Variants in PRKD2 observed in about 807,000 individuals in gnomAD.
PRKD2 encodes serine/threonine-protein kinase D2.
Under a neutral mutation model 86.0 loss-of-function variants are expected in PRKD2, and 22 were observed. That is an observed-to-expected ratio of 0.26 (90% CI 0.18 to 0.37). The LOEUF is 0.37. Ranked by LOEUF, PRKD2 falls within the 10% of genes least tolerant of loss-of-function variation. The pLI is 1.00. For missense variants in PRKD2, 818 were observed against 1,199.2 expected (o/e 0.68, Z 4.70); for synonymous variants, 509 against 510.9 (o/e 1.00, Z 0.05).
rs754613959 is a variant in PRKD2 at position 46,693,830 on chromosome 19, C to A, written c.1576+45G>T. 1.3e-6 allele frequency: 2 copies of A among 1,540,576 alleles called. No homozygotes were observed. Among genetic ancestry groups the A allele is most frequent in the South Asian group, 2.4e-5 (2 of 82,694 alleles). On this transcript the variant is annotated intron_variant, in intron 10 of 17. Coordinates refer to ENST00000291281, the MANE Select transcript of PRKD2 (RefSeq NM_016457.5). This position sits in a 1 kb window ranked among gnomAD's most constrained non-coding sequence, Gnocchi z 4.5. ...TCCATTCCCCAGAACCGTGCCCCAC[C>A]CATCTAGATCTATTCTCTCAAGGAC... is the stretch of plus-strand genomic sequence containing the variant.
At chr19:46,689,083 A>G in intron 14 of PRKD2, 1 of 117,174 alleles carries the variant, frequency 8.5e-6, no homozygotes, top group Non-Finnish European at 1.8e-5. Context: ...TTTTTCTATT[A>G]TGGTTATTAT....
intron 10 of PRKD2, among the ~76,000 whole-genome samples, chr19:46,692,551 C>T (rs1255088017): frequency 6.6e-6 from 1 of 151,480 alleles, no homozygotes; most frequent in East Asian, 1.9e-4. Flanking sequence ...TCCTACTCAC[C>T]TCCCACAGAG....
chr19:46,716,310 G>T lies in PRKD2; in HGVS notation c.61C>A (p.Pro21Thr). The T allele has an allele frequency of 6.6e-7, 1 of 1,519,870 alleles. No homozygotes were observed. The highest frequency in any genetic ancestry group is 8.8e-7 in the Non-Finnish European group (1 of 1,136,074). 94.1% of individuals were successfully genotyped at this position (1,519,870 alleles called of 1,614,324 possible). A position where few individuals can be genotyped will look rare whatever the true frequency, so the allele number is the denominator to read the frequency against. ...TGCAGCTCTAGGCCGCCGGGGGGCG[G>T]AGGAGACCCCGGCCCGGGAGAGCCA... ...LPGSPGPGSP[P>T]PPGGLELQSP... Residue 21 changes from proline (P) to threonine (T), a missense_variant, in exon 1 of 18, where the codon CCG becomes ACG. By Grantham distance (38) the Pro-to-Thr change is conservative. Around this residue, in one of 5 missense-constraint regions of PRKD2, gnomAD observed 403 missense variants for 518.6 expected, o/e 0.78. Coordinates refer to ENST00000291281, the MANE Select transcript of PRKD2 (RefSeq NM_016457.5). The surrounding 1 kb of genome is among the most constrained non-coding windows in gnomAD (Gnocchi z 7.9).
intron 14 of PRKD2, among the ~76,000 whole-genome samples, chr19:46,682,520 A>T (rs1029078247): frequency 1.3e-5 from 2 of 152,072 alleles, no homozygotes; most frequent in Non-Finnish European, 1.5e-5. Context: ...GAGGCACTGG[A>T]GCACCAAAGA....
At chr19:46,694,799 G>A (rs955543971) in intron 9 of PRKD2, among the ~76,000 whole-genome samples, 1 of 151,378 alleles carries the variant, frequency 6.6e-6, no homozygotes, top group African/African-American at 2.4e-5. Flanking sequence ...TTTGATGGCC[G>A]GATGTGGTGG....
chr19:46,691,878 G>A lies in PRKD2; in HGVS notation c.1629+55C>T, dbSNP rs186012955. On this transcript the variant is annotated intron_variant, in intron 11 of 17. Coordinates refer to ENST00000291281, the MANE Select transcript of PRKD2 (RefSeq NM_016457.5). ...GGAAGGGGGAGTCAAGGAGACGAGA[G>A]AGCTGAGGAGGGTTTGTGGGAGGGG... 3.1e-6 allele frequency: 5 copies of A among 1,611,206 alleles called. No individual in the cohort carries two copies. The Admixed American group carries it at 8.3e-5, about 27-fold the overall frequency.
Position 46,716,551 on chromosome 19 carries a change from A to G in PRKD2, c.-181T>C, listed in dbSNP as rs767491046. On this transcript the variant is annotated 5_prime_UTR_variant, in exon 1 of 18. Coordinates refer to ENST00000291281, the MANE Select transcript of PRKD2 (RefSeq NM_016457.5). This position sits in a 1 kb window ranked among gnomAD's most constrained non-coding sequence, Gnocchi z 7.9. Reference sequence around the variant, plus strand: ...TGGCGGGGTCCTGGGAAGGAGAGAAAGGCACTATAGTGGGTCAGAGGCCCG... The same window carrying G: ...TGGCGGGGTCCTGGGAAGGAGAGAAGGGCACTATAGTGGGTCAGAGGCCCG... 9 of 466,378 alleles carry G rather than the reference A, an allele frequency of 1.9e-5. No homozygotes were observed. Among genetic ancestry groups the G allele is most frequent in the Non-Finnish European group, 3.4e-5 (9 of 266,282 alleles). 28.9% of individuals were successfully genotyped at this position (466,378 alleles called of 1,614,324 possible).
chr19:46,692,139 G>C (rs547637013), intron 10 of PRKD2, among the ~76,000 whole-genome samples, 154 bp from the exon 11 acceptor site: 1 of 152,086 alleles, frequency 6.6e-6, no homozygotes, highest in South Asian at 2.1e-4. Flanking sequence ...TGTCCACTAC[G>C]AACCTCAGTT....
In PRKD2 at chr19:46,699,094, C is replaced by T. The variant is rs868574151; in HGVS notation, c.1122-1244G>A. Among the ~76,000 whole-genome samples the T allele has an allele frequency of 1.4e-4, 22 of 152,218 alleles. No homozygotes were observed. The Middle Eastern group carries it at 0.014, about 94-fold the overall frequency. On this transcript the variant is annotated intron_variant, in intron 7 of 17. Transcript: ENST00000291281. ...CCTTTCTGTCCAACCCTCTTCCCCT[C>T]GCCCTCCCTGCTGCAGCTACATGGG...
At chr19:46,690,559 T>C (rs1402367932) in intron 13 of PRKD2, 41 bp downstream of exon 13, 3 of 1,584,248 alleles carry the variant, frequency 1.9e-6, no homozygotes, top group African/African-American at 1.3e-5. Context: ...AGCTGGCCCA[T>C]GAAAGGAAGA....
At chr19:46,682,940 G>C (rs916693576) in intron 14 of PRKD2, among the ~76,000 whole-genome samples, 1 of 151,640 alleles carries the variant, frequency 6.6e-6, no homozygotes, top group African/African-American at 2.4e-5. Flanking sequence ...GCACTCAAGT[G>C]ATCCACCCAC....
intron 3 of PRKD2, chr19:46,710,628 T>A (rs2122159040): frequency 8.6e-4 from 223 of 259,810 alleles, no homozygotes; most frequent in Middle Eastern, 5.2e-3. Flanking sequence ...CCCGCCACCC[T>A]TCTGCTCCCC....
chr19:46,680,948 T>TATATATATATATATATATA (rs55813443), intron 15 of PRKD2, among the ~76,000 whole-genome samples: 84 of 26,416 alleles, frequency 3.2e-3, no homozygotes, highest in Middle Eastern at 0.028. Flanking sequence ...ATATATATAT[T>TATATATATATATATATATA]TTTTTTTTTT....
intron 14 of PRKD2, among the ~76,000 whole-genome samples, chr19:46,687,306 T>C (rs12461565): frequency 0.047 from 7,077 of 152,022 alleles, 402 homozygotes; most frequent in African/African-American, 0.13. Context: ...GCAGGAGAAT[T>C]GCTTGAACCC....
At chr19:46,677,811 C>T (rs1599807439) in intron 16 of PRKD2, among the ~76,000 whole-genome samples, 1 of 152,290 alleles carries the variant, frequency 6.6e-6, no homozygotes, top group East Asian at 1.9e-4. Flanking sequence ...TGTTCCTGGA[C>T]CTCTTCGGAA....
intron 3 of PRKD2, 51 bp downstream of exon 3, chr19:46,710,856 C>T: frequency 6.6e-7 from 1 of 1,511,264 alleles, no homozygotes; most frequent in Non-Finnish European, 8.9e-7. Context: ...ACGCTCCGCC[C>T]CCGGTGCAGA....
In PRKD2 at chr19:46,693,991, C is replaced by T. The variant is rs768809577; in HGVS notation, c.1460G>A (p.Gly487Asp). 2.5e-6 allele frequency: 4 copies of T among 1,613,640 alleles called. No individual in the cohort carries two copies. The Admixed American group carries it at 6.7e-5, about 27-fold the overall frequency. Residue 487 changes from glycine to aspartate, a missense_variant, in exon 10 of 18, where the codon GGT becomes GAT. This residue lies in a region of PRKD2 where 127 missense variants were observed against 157.8 expected (regional missense o/e 0.80). Transcript: ENST00000291281. The surrounding 1 kb of genome is among the most constrained non-coding windows in gnomAD (Gnocchi z 4.5). ...CTCAGCCCCCTGCCCACTTGGCCCACCCGGAGTCCCGCCAGGCATCTCGCC... is the reference window on the plus strand; with the variant it reads ...CTCAGCCCCCTGCCCACTTGGCCCATCCGGAGTCCCGCCAGGCATCTCGCC... ...FVGEMPGGTPGGPSGQGAEAA... is the reference protein window; with the variant it reads ...FVGEMPGGTPDGPSGQGAEAA...
At chr19:46,700,004 G>A (rs1408861035) in intron 7 of PRKD2, among the ~76,000 whole-genome samples, 1 of 151,954 alleles carries the variant, frequency 6.6e-6, no homozygotes, top group Non-Finnish European at 1.5e-5. Flanking sequence ...GGGAGGCCGA[G>A]GCAGGTGGAT....
intron 5 of PRKD2, 120 bp from the exon 6 acceptor site, chr19:46,701,232 C>T: frequency 2.8e-6 from 3 of 1,054,334 alleles, no homozygotes; most frequent in Non-Finnish European, 4.3e-6. Context: ...TGGGTAAGAA[C>T]ACTGGCTGCT....
Sources: allele counts gnomAD v4.1 joint callset (sites outside exome capture counted in the v4.1 genomes callset), GRCh38; gene constraint gnomAD v4.1.1; regional missense constraint gnomAD v4.1.1; non-coding constraint Gnocchi (gnomAD v3.1); transcripts MANE v1.5; gene names NCBI Gene and HGNC (gene_info 2026-07-23, HGNC 2026-07-21).